Variants in RPSA2 observed in about 807,000 individuals in gnomAD.
RPSA2 encodes ribosomal protein SA 2.
At chr19:23,845,466 C>CT in the RPSA2 span, among the ~76,000 whole-genome samples, 1 of 152,030 alleles carries the variant, frequency 6.6e-6, no homozygotes, top group African/African-American at 2.4e-5. Flanking sequence ...CTATTTCCAT[C>CT]TTTTTTCCCC....
At chr19:23,793,007 C>T in the RPSA2 span, among the ~76,000 whole-genome samples, 2 of 152,178 alleles carry the variant, frequency 1.3e-5, no homozygotes, top group Non-Finnish European at 2.9e-5. Flanking sequence ...TATGGTGGCT[C>T]AGACTGAGGG....
chr19:23,791,877 T>C, the RPSA2 span, among the ~76,000 whole-genome samples: 1 of 151,868 alleles, frequency 6.6e-6, no homozygotes, highest in Non-Finnish European at 1.5e-5. Context: ...GTAGCTGAGA[T>C]TATAGGTGCC....
the RPSA2 span, among the ~76,000 whole-genome samples, chr19:23,826,304 C>T: frequency 7.9e-5 from 12 of 151,638 alleles, no homozygotes; most frequent in East Asian, 3.9e-4. Flanking sequence ...GCAATTCTCA[C>T]GCCTCAGCCT....
the RPSA2 span, among the ~76,000 whole-genome samples, chr19:23,835,407 T>A: frequency 2.6e-5 from 4 of 152,094 alleles, no homozygotes; most frequent in South Asian, 6.2e-4. Context: ...TAGAACAAAA[T>A]AAATCATTTT....
chr19:23,864,991 C>A, the RPSA2 span, among the ~76,000 whole-genome samples: 11 of 152,256 alleles, frequency 7.2e-5, no homozygotes, highest in Admixed American at 1.3e-4. Flanking sequence ...TCCAAACATA[C>A]TCTTTTGTCT....
At chr19:23,778,716 C>A in the RPSA2 span, among the ~76,000 whole-genome samples, 1 of 152,106 alleles carries the variant, frequency 6.6e-6, no homozygotes, top group Non-Finnish European at 1.5e-5. Flanking sequence ...ATCTCTAGAC[C>A]CATCACCTGG....
chr19:23,822,164 CT>C, the RPSA2 span, among the ~76,000 whole-genome samples: 2 of 152,294 alleles, frequency 1.3e-5, no homozygotes, highest in Non-Finnish European at 1.5e-5. Context: ...CTTCAGAGAC[CT>C]TCCTTATATT....
At chr19:23,772,700 C>T in the RPSA2 span, among the ~76,000 whole-genome samples, 1 of 152,198 alleles carries the variant, frequency 6.6e-6, no homozygotes, top group Non-Finnish European at 1.5e-5. Flanking sequence ...ATCACCTTCA[C>T]ACATGGAAAG....
At chr19:23,863,119 G>A in the RPSA2 span, among the ~76,000 whole-genome samples, 3 of 152,072 alleles carry the variant, frequency 2.0e-5, no homozygotes, top group South Asian at 6.2e-4. Flanking sequence ...GGCTTAACAG[G>A]TCTAGCGCAG....
chr19:23,865,492 CCTA>C, the RPSA2 span, among the ~76,000 whole-genome samples: 1 of 152,052 alleles, frequency 6.6e-6, no homozygotes, highest in Non-Finnish European at 1.5e-5. Flanking sequence ...TTCGCATGGT[CCTA>C]CTGCTGCTGT....
chr19:23,765,178 C>A, the RPSA2 span, among the ~76,000 whole-genome samples: 1 of 152,184 alleles, frequency 6.6e-6, no homozygotes, highest in Non-Finnish European at 1.5e-5. Context: ...AGGAATGCTT[C>A]TACACTGTTG....
At chr19:23,800,515 A>G in the RPSA2 span, among the ~76,000 whole-genome samples, 449 of 152,304 alleles carry the variant, frequency 2.9e-3, 1 homozygote, top group African/African-American at 0.01. Context: ...TAAAGTGCAT[A>G]CTGTCACCTA....
At chr19:23,761,191 T>C in the RPSA2 span, among the ~76,000 whole-genome samples, 1 of 151,802 alleles carries the variant, frequency 6.6e-6, no homozygotes, top group African/African-American at 2.4e-5. Flanking sequence ...GTGATCCTTC[T>C]ACCTCAGCCT....
the RPSA2 span, among the ~76,000 whole-genome samples, chr19:23,806,001 GTCTA>G: frequency 2.5e-3 from 328 of 132,784 alleles, 1 homozygote; most frequent in African/African-American, 8.9e-3. Context: ...CTATCTGTCT[GTCTA>G]TCTATCTATC....
At chr19:23,813,428 A>G in the RPSA2 span, among the ~76,000 whole-genome samples, 1 of 152,034 alleles carries the variant, frequency 6.6e-6, no homozygotes, top group Non-Finnish European at 1.5e-5. Flanking sequence ...TGACTATTTT[A>G]TATATCTTAC....
At chr19:23,869,333 G>A in the RPSA2 span, among the ~76,000 whole-genome samples, 1 of 152,196 alleles carries the variant, frequency 6.6e-6, no homozygotes, top group African/African-American at 2.4e-5. Context: ...GCATGGTTGA[G>A]TCACCTTGGA....
the RPSA2 span, among the ~76,000 whole-genome samples, chr19:23,869,241 T>A: frequency 6.6e-6 from 1 of 152,192 alleles, no homozygotes; most frequent in African/African-American, 2.4e-5. Flanking sequence ...TCGTCAATTA[T>A]ACTACCCCAC....
At chr19:23,862,915 G>GT in the RPSA2 span, among the ~76,000 whole-genome samples, 2 of 120,514 alleles carry the variant, frequency 1.7e-5, no homozygotes, top group Admixed American at 8.3e-5. Flanking sequence ...TTTTTTGTTT[G>GT]TTTTTTTGAG....
the RPSA2 span, among the ~76,000 whole-genome samples, chr19:23,823,243 T>A: frequency 1.3e-5 from 2 of 152,146 alleles, no homozygotes; most frequent in Admixed American, 6.6e-5. Flanking sequence ...TTTGGTGACT[T>A]CCCTCCCATT....
Sources: gnomAD v4.1 joint callset for allele counts (sites outside exome capture counted in the v4.1 genomes callset) on GRCh38, gnomAD v4.1.1 for gene constraint, MANE v1.5 for transcripts, NCBI Gene and HGNC (gene_info 2026-07-23, HGNC 2026-07-21) for gene names.